The following CNTN6 variants were observed in gnomAD, a reference collection of about 807,000 sequenced individuals.
CNTN6 encodes the protein contactin-6.
A neutral mutation model predicts 122.8 loss-of-function variants in CNTN6; 137 were observed. The observed-to-expected ratio is 1.12, with a 90% CI of 0.97 to 1.29. The LOEUF (loss-of-function observed/expected upper bound fraction) is 1.29, where lower values mean the gene tolerates loss of function less well. Among genes scored for constraint, CNTN6 ranks in the 50% most tolerant of loss-of-function variants. The pLI is 0.00. For synonymous variants in CNTN6, 570 were observed against 426.0 expected (o/e 1.34, Z -4.16); for missense variants, 1,634 against 1,223.4 (o/e 1.34, Z -5.01).
intron 4 of CNTN6, among the ~76,000 whole-genome samples, chr3:1,273,540 T>A (rs1469018741): frequency 6.6e-6 from 1 of 152,234 alleles, no homozygotes; most frequent in African/African-American, 2.4e-5. Flanking sequence ...AAATACAGAT[T>A]GGATCTGTAC....
At chr3:1,202,433 G>C (rs914537566) in intron 2 of CNTN6, among the ~76,000 whole-genome samples, 10 of 151,520 alleles carry the variant, frequency 6.6e-5, no homozygotes, top group Middle Eastern at 3.4e-3. Context: ...CCAGCTACTC[G>C]GGAGGCTGAG....
intron 20 of CNTN6, among the ~76,000 whole-genome samples, chr3:1,389,150 C>G (rs201172996): frequency 0.14 from 18,213 of 131,922 alleles, 1,713 homozygotes; most frequent in Non-Finnish European, 0.17. Flanking sequence ...AAAATGTTAA[C>G]GGCAGCCAGA....
At position 1,330,345 on chromosome 3, in the gene CNTN6, A is replaced by G. The variant is rs548591482; in HGVS notation, c.1364+410A>G. Among the ~76,000 whole-genome samples the G allele has an allele frequency of 9.9e-5, 15 of 152,000 alleles. No individual in the cohort carries two copies. The South Asian group carries it at 2.9e-3, about 29-fold the overall frequency. On this transcript the variant is annotated intron_variant, in intron 11 of 22. Coordinates refer to ENST00000446702, the MANE Select transcript of CNTN6 (RefSeq NM_001289080.2). Reference sequence around the variant, plus strand: ...GTCACACAGGTGTTCACCCCATGACAAAATGAATTCACCACATGAAGAAAT... The same window carrying G: ...GTCACACAGGTGTTCACCCCATGACGAAATGAATTCACCACATGAAGAAAT...
chr3:1,119,383 TTC>T (rs1253081767), intron 1 of CNTN6, among the ~76,000 whole-genome samples: 1 of 147,710 alleles, frequency 6.8e-6, no homozygotes, highest in South Asian at 2.1e-4. Context: ...AGATAAACTC[TTC>T]GAGCTTTGAC....
intron 7 of CNTN6, among the ~76,000 whole-genome samples, chr3:1,317,888 T>TAAAA (rs76953561): frequency 3.1e-5 from 4 of 130,756 alleles, no homozygotes; most frequent in African/African-American, 5.7e-5. Context: ...AAATGCAGGT[T>TAAAA]AAAAAAAAAA....
In CNTN6 at chr3:1,402,364, C is replaced by G; in HGVS notation, c.2864C>G (p.Thr955Arg). The change falls in exon 22 of 23, where the codon ACA (threonine) becomes AGA (arginine). Residue 955 changes from threonine to arginine, a missense_variant. Thr to Arg is a moderately conservative substitution (Grantham distance 71, BLOSUM62 -1). Transcript: ENST00000446702. ...CAGAGTAAAACTCATATTTTGGAAACAAACAATACATCAGCTGAGCTTCTG... is the reference window on the plus strand; with the variant it reads ...CAGAGTAAAACTCATATTTTGGAAAGAAACAATACATCAGCTGAGCTTCTG... ...NRQSKTHILE[T>R]NNTSAELLVP... 2.5e-6 allele frequency: 4 copies of G among 1,611,674 alleles called. No homozygotes were observed. Among genetic ancestry groups the G allele is most frequent in the Non-Finnish European group, 3.4e-6 (4 of 1,178,778 alleles).
At chr3:1,214,823 C>G (rs1287641854) in intron 2 of CNTN6, among the ~76,000 whole-genome samples, 1 of 152,132 alleles carries the variant, frequency 6.6e-6, no homozygotes, top group Non-Finnish European at 1.5e-5. Flanking sequence ...GCAGTGTGAT[C>G]ATAGTTCACT....
chr3:1,283,598 T>C (rs983860668), intron 5 of CNTN6, among the ~76,000 whole-genome samples: 1 of 152,168 alleles, frequency 6.6e-6, no homozygotes, highest in Non-Finnish European at 1.5e-5. Context: ...AATGACAGAA[T>C]GAAGCAACGA....
At chr3:1,196,596 A>AAG (rs2093782193) in intron 2 of CNTN6, among the ~76,000 whole-genome samples, 1 of 152,172 alleles carries the variant, frequency 6.6e-6, no homozygotes, top group South Asian at 2.1e-4. Context: ...TTATAATGCA[A>AAG]AGCTCTTGGA....
chr3:1,126,625 C>T (rs1402837332), intron 1 of CNTN6, among the ~76,000 whole-genome samples: 1 of 151,840 alleles, frequency 6.6e-6, no homozygotes, highest in Non-Finnish European at 1.5e-5. Context: ...TTGCCTTGTT[C>T]AATTTTGTAT....
intron 11 of CNTN6, among the ~76,000 whole-genome samples, chr3:1,338,588 A>G (rs1362811636): frequency 6.6e-6 from 1 of 152,188 alleles, no homozygotes; most frequent in Admixed American, 6.5e-5. Context: ...TTGAAGAGAT[A>G]TAAATCCTTA....
At chr3:1,220,357 A>C (rs556665620) in intron 2 of CNTN6, among the ~76,000 whole-genome samples, 1 of 152,276 alleles carries the variant, frequency 6.6e-6, no homozygotes, top group South Asian at 2.1e-4. Flanking sequence ...TGAAACAACA[A>C]AAAATAGAAT....
At chr3:1,179,233 C>G (rs2093510418) in intron 2 of CNTN6, among the ~76,000 whole-genome samples, 1 of 152,174 alleles carries the variant, frequency 6.6e-6, no homozygotes, top group African/African-American at 2.4e-5. Context: ...CATGAGGGAT[C>G]TGCCCTCAGG....
chr3:1,278,527 G>A lies in CNTN6; in HGVS notation c.454+19G>A. 6.4e-7 allele frequency: 1 copy of A among 1,567,606 alleles called. No individual in the cohort carries two copies. Among genetic ancestry groups the A allele is most frequent in the Non-Finnish European group, 8.8e-7 (1 of 1,140,664 alleles). On this transcript the variant is annotated intron_variant, in intron 5 of 22. Transcript: ENST00000446702. ...TTTGGAGGTATGATGGGGTGATTTG[G>A]GTCATATCATCAATGCGGTCACTTG...
intron 11 of CNTN6, among the ~76,000 whole-genome samples, chr3:1,343,730 C>A (rs1704231332): frequency 6.6e-6 from 1 of 151,758 alleles, no homozygotes; most frequent in Non-Finnish European, 1.5e-5. Flanking sequence ...ATATATATAG[C>A]ATAATGTATT....
intron 1 of CNTN6, among the ~76,000 whole-genome samples, chr3:1,096,725 T>A (rs896569853): frequency 6.6e-6 from 1 of 152,188 alleles, no homozygotes; most frequent in Non-Finnish European, 1.5e-5. Flanking sequence ...ATCTGTATCC[T>A]CCTGAAAGTA....
chr3:1,132,005 A>G (rs1462090266), intron 1 of CNTN6, among the ~76,000 whole-genome samples: 1 of 152,126 alleles, frequency 6.6e-6, no homozygotes, highest in African/African-American at 2.4e-5. Context: ...CAGGGAGTTT[A>G]TGTCAGGTAG....
intron 20 of CNTN6, among the ~76,000 whole-genome samples, chr3:1,388,161 T>C (rs1177454151): frequency 1.3e-5 from 2 of 151,672 alleles, no homozygotes; most frequent in African/African-American, 4.9e-5. Flanking sequence ...TAAATGTCCC[T>C]GTCTGACAGC....
At chr3:1,300,736 G>A (rs993863665) in intron 7 of CNTN6, among the ~76,000 whole-genome samples, 2 of 151,460 alleles carry the variant, frequency 1.3e-5, no homozygotes, top group East Asian at 1.9e-4. Flanking sequence ...AGTAACACAC[G>A]GACATCATAT....
Sources: allele counts gnomAD v4.1 joint callset (sites outside exome capture counted in the v4.1 genomes callset), GRCh38; gene constraint gnomAD v4.1.1; transcripts MANE v1.5; gene names NCBI Gene and HGNC (gene_info 2026-07-23, HGNC 2026-07-21).